Variants in TBC1D20 observed in about 807,000 individuals in gnomAD.
TBC1D20 encodes the protein chromosome 20 open reading frame 140.
TBC1D20 carries 12 observed loss-of-function variants against 41.6 expected under a neutral mutation model. The observed-to-expected ratio is 0.29, with a 90% confidence interval of 0.18 to 0.47. The LOEUF (loss-of-function observed/expected upper bound fraction) is 0.47. Ranked by LOEUF, TBC1D20 falls within the 20% of genes least tolerant of loss-of-function variation. The pLI, the probability that TBC1D20 is intolerant of heterozygous loss-of-function variation, is 1.00. For missense variants in TBC1D20, 421 were observed against 517.4 expected, an observed-to-expected ratio of 0.81 and a Z score of 1.81; for synonymous variants, 205 against 204.8, an observed-to-expected ratio of 1.00 and a Z score of -0.01.
chr20:440,317 C>G lies in TBC1D20; in HGVS notation c.699G>C (p.Arg233Ser). 6.2e-7 allele frequency: 1 copy of G among 1,614,096 alleles called. No homozygotes were observed. The highest frequency in any genetic ancestry group is 8.5e-7 in the Non-Finnish European group (1 of 1,180,020). The part of the protein sequence containing the change: ...TWFGHVLSDF[R>S]HVVRLYDFFL... ...AGAAGTCATATAACCGCACGACGTG[C>G]CTGAAGTCAGACAGGACATGCCCAA... is the stretch of plus-strand genomic sequence containing the variant. The change falls in exon 6 of 8, where the codon AGG (arginine) becomes AGC (serine). Residue 233 changes from arginine to serine, a missense_variant. Arg to Ser is a moderately radical substitution (Grantham distance 110, BLOSUM62 -1). Around this residue, in one of 3 missense-constraint regions of TBC1D20, gnomAD observed 110 missense variants for 183.5 expected, o/e 0.60. Transcript: ENST00000354200.
intron 1 of TBC1D20, 82 bp from the exon 2 acceptor site, chr20:448,156 A>T: frequency 1.0e-6 from 1 of 982,424 alleles, no homozygotes. Context: ...CCTTTTTGAT[A>T]TGAGGTACAG....
chr20:460,559 GT>G (rs2017613195), intron 1 of TBC1D20, among the ~76,000 whole-genome samples: 2 of 152,054 alleles, frequency 1.3e-5, no homozygotes, highest in South Asian at 4.1e-4. Context: ...ACTAGCCTCT[GT>G]TTCTGGAGGT....
chr20:462,229 G>T, intron 1 of TBC1D20, 107 bp downstream of exon 1: 3 of 712,786 alleles, frequency 4.2e-6, no homozygotes, highest in Non-Finnish European at 3.6e-6. Flanking sequence ...CCCCGCAGCA[G>T]CCCCGGGTCC....
In TBC1D20 at chr20:437,482, C is replaced by G. The variant is rs564920806; in HGVS notation, c.*1104G>C. The G allele has an allele frequency of 6.6e-6, 1 of 152,628 alleles. No individual in the cohort carries two copies. Among genetic ancestry groups the G allele is most frequent in the East Asian group, 1.9e-4 (1 of 5,194 alleles). 9.5% of individuals were successfully genotyped at this position (152,628 alleles called of 1,614,324 possible). ...AGGACTGAGTGATGCCTCTTGTTCCCTAAGGTCTGGAGAGTCTTTGCAAGT... is the reference window on the plus strand; with the variant it reads ...AGGACTGAGTGATGCCTCTTGTTCCGTAAGGTCTGGAGAGTCTTTGCAAGT... On this transcript the variant is annotated 3_prime_UTR_variant, in exon 8 of 8. Coordinates refer to ENST00000354200, the MANE Select transcript of TBC1D20 (RefSeq NM_144628.4).
chr20:446,941 GCATTT>G (rs2017343051), intron 2 of TBC1D20, among the ~76,000 whole-genome samples: 1 of 134,354 alleles, frequency 7.4e-6, no homozygotes, highest in Admixed American at 8.3e-5. Context: ...CACAAAATAC[GCATTT>G]TTTTTTTTTT....
Position 439,050 on chromosome 20 carries a change from C to T in TBC1D20, c.956+58G>A. ...CCTATCCCACCAGACACAAACCTTC[C>T]CTCGCTTCTGCTCATTTACAGCCAC... On this transcript the variant is annotated intron_variant, in intron 7 of 7. Transcript: ENST00000354200. The surrounding 1 kb of genome is among the most constrained non-coding windows in gnomAD (Gnocchi z 4.6). The T allele has an allele frequency of 1.3e-6, 2 of 1,557,652 alleles. No homozygotes were observed. The highest frequency in any genetic ancestry group is 1.4e-5 in the African/African-American group (1 of 73,694).
In TBC1D20 at chr20:438,198, G is replaced by C. The variant is rs544385169; in HGVS notation, c.*388C>G. The C allele has an allele frequency of 1.1e-5, 2 of 190,212 alleles. No individual in the cohort carries two copies. The highest frequency in any genetic ancestry group is 2.0e-4 in the South Asian group (2 of 9,914). 11.8% of individuals were successfully genotyped at this position (190,212 alleles called of 1,614,324 possible). A position where few individuals can be genotyped will look rare whatever the true frequency, so the allele number is the denominator to read the frequency against. On this transcript the variant is annotated 3_prime_UTR_variant, in exon 8 of 8. Transcript: ENST00000354200. The stretch of plus-strand genomic sequence containing the variant: ...TGATGCAGGCAAGCAGGAGCAGTAA[G>C]AGGGCATCCCATGTTCCAGTTCACC...
In TBC1D20 at chr20:451,058, C is replaced by A. The variant is rs2017433059; in HGVS notation, c.71-2984G>T. On this transcript the variant is annotated intron_variant, in intron 1 of 7. Transcript: ENST00000354200. The stretch of plus-strand genomic sequence containing the variant: ...TTACACAAGACAACACCAAACGTCA[C>A]AAGGCAGTAGACTATAATTGTCAAA... 2.0e-5 allele frequency among the ~76,000 whole-genome samples: 3 copies of A among 152,126 alleles called. No homozygotes were observed. The South Asian group carries it at 6.2e-4, about 31-fold the overall frequency.
chr20:446,589 C>T (rs1487056718), intron 2 of TBC1D20, among the ~76,000 whole-genome samples: 1 of 152,064 alleles, frequency 6.6e-6, no homozygotes, highest in Non-Finnish European at 1.5e-5. Flanking sequence ...GATTCACCTG[C>T]CTCAGCCTCC....
intron 5 of TBC1D20, chr20:441,231 TG>T (rs2017223843): frequency 4.9e-6 from 1 of 203,462 alleles, no homozygotes; most frequent in Non-Finnish European, 9.9e-6. Flanking sequence ...CTTTGGTACT[TG>T]GGAAATAAAA....
chr20:457,222 C>T (rs961832212), intron 1 of TBC1D20, among the ~76,000 whole-genome samples: 4 of 152,238 alleles, frequency 2.6e-5, no homozygotes, highest in Admixed American at 6.5e-5. Flanking sequence ...AGGCATGAGC[C>T]ACCGCATCTG....
intron 2 of TBC1D20, among the ~76,000 whole-genome samples, chr20:445,662 G>C (rs1036953546): frequency 1.3e-5 from 2 of 152,224 alleles, no homozygotes; most frequent in African/African-American, 4.8e-5. Context: ...GCAAAGAGGA[G>C]ACAGTCCTTG....
intron 1 of TBC1D20, among the ~76,000 whole-genome samples, chr20:459,510 G>A (rs555351078): frequency 1.3e-5 from 2 of 152,246 alleles, no homozygotes; most frequent in African/African-American, 4.8e-5. Flanking sequence ...ATGATGGAAC[G>A]AATGACCGTC....
Position 439,314 on chromosome 20 carries a change from G to T in TBC1D20, c.769-19C>A. On this transcript the variant is annotated intron_variant, in intron 6 of 7. Transcript: ENST00000354200. The surrounding 1 kb of genome is among the most constrained non-coding windows in gnomAD (Gnocchi z 4.6). ...ACACAATCTGTGGGGAGGTAGTAAA[G>T]CCTTGCAGTCAGAGGCCAGACACAC... The T allele has an allele frequency of 6.3e-7, 1 of 1,583,414 alleles. No homozygotes were observed. The highest frequency in any genetic ancestry group is 8.6e-7 in the Non-Finnish European group (1 of 1,163,674).
At position 442,018 on chromosome 20, in the gene TBC1D20, C is replaced by T; in HGVS notation, c.363G>A (p.Gly121=). 6.2e-7 allele frequency: 1 copy of T among 1,613,326 alleles called. No individual in the cohort carries two copies. The change falls in exon 4 of 8, where the codon GGG becomes GGA. Residue 121 remains glycine (G), a synonymous_variant. Transcript: ENST00000354200. ...TGATGTCAATCAGTTCTTCCTGGAGCCCTTCTCTCTGTTCCTCTGGCATGC... is the reference window on the plus strand; with the variant it reads ...TGATGTCAATCAGTTCTTCCTGGAGTCCTTCTCTCTGTTCCTCTGGCATGC... ...PPGMPEEQRE[G]LQEELIDIIL... is the part of the protein sequence containing the mutation.
chr20:458,201 A>C (rs1156562879), intron 1 of TBC1D20, among the ~76,000 whole-genome samples: 1 of 152,198 alleles, frequency 6.6e-6, no homozygotes, highest in Non-Finnish European at 1.5e-5. Flanking sequence ...CTATGCAGTC[A>C]ACTGAATTTC....
intron 2 of TBC1D20, among the ~76,000 whole-genome samples, chr20:447,669 A>C (rs2017361847): frequency 6.6e-6 from 1 of 152,138 alleles, no homozygotes; most frequent in Non-Finnish European, 1.5e-5. Context: ...AAAATAAATA[A>C]AATAAAAACA....
intron 1 of TBC1D20, among the ~76,000 whole-genome samples, chr20:461,458 C>A (rs945067618): frequency 1.3e-5 from 2 of 152,200 alleles, no homozygotes; most frequent in African/African-American, 4.8e-5. Flanking sequence ...GTCCTGGGCT[C>A]AAGCGATCCT....
At position 462,504 on chromosome 20, in the gene TBC1D20, C is replaced by T; in HGVS notation, c.-99G>A. The T allele has an allele frequency of 3.0e-6, 2 of 670,750 alleles. No homozygotes were observed. Among genetic ancestry groups the T allele is most frequent in the East Asian group, 5.8e-5 (1 of 17,112 alleles). The allele number at this position is 670,750 out of a possible 1,614,324, so 41.5% of individuals were successfully genotyped here. A position where few individuals can be genotyped will look rare whatever the true frequency, so the allele number is the denominator to read the frequency against. ...GGACGTAGCACCCGCTCGGCATCGGCAGGCTCCCCTCCGTCGGCCAGCGGC... is the reference window on the plus strand; with the variant it reads ...GGACGTAGCACCCGCTCGGCATCGGTAGGCTCCCCTCCGTCGGCCAGCGGC... On this transcript the variant is annotated 5_prime_UTR_variant, in exon 1 of 8. Coordinates refer to ENST00000354200, the MANE Select transcript of TBC1D20 (RefSeq NM_144628.4).
Sources: allele counts gnomAD v4.1 joint callset (sites outside exome capture counted in the v4.1 genomes callset), GRCh38; gene constraint gnomAD v4.1.1; regional missense constraint gnomAD v4.1.1; non-coding constraint Gnocchi (gnomAD v3.1); transcripts MANE v1.5; gene names NCBI Gene and HGNC (gene_info 2026-07-23, HGNC 2026-07-21).